RICTOR: variants seen among roughly 807,000 people sequenced by gnomAD.
RICTOR encodes the protein RPTOR independent companion of MTOR complex 2.
RICTOR carries 49 observed loss-of-function variants against 214.9 expected under a neutral mutation model. The ratio of observed to expected loss-of-function variants is 0.23; its 90% CI spans 0.18 to 0.29. The LOEUF is 0.29. Among genes scored for constraint, RICTOR ranks in the 10% least tolerant of loss-of-function variants. RICTOR has a pLI of 1.00. For synonymous variants in RICTOR, 717 were observed against 711.3 expected (o/e 1.01, Z -0.13); for missense variants, 1,625 against 2,047.0 (o/e 0.79, Z 3.98).
At position 38,941,806 on chromosome 5, in the gene RICTOR, C is replaced by T. The variant is rs1747600650; in HGVS notation, c.*498G>A. 4.3e-6 allele frequency: 1 copy of T among 233,092 alleles called. No individual in the cohort carries two copies. Among genetic ancestry groups the T allele is most frequent in the South Asian group, 1.8e-4 (1 of 5,524 alleles). 14.4% of individuals were successfully genotyped at this position (233,092 alleles called of 1,614,324 possible). ...ACGTGAAAGGGCCAAAGTTCCCTCT[C>T]TAATACCAGCAGTTATAGCACACCC... On this transcript the variant is annotated 3_prime_UTR_variant, in exon 38 of 38. Transcript: ENST00000357387.
chr5:39,014,538 ATTCTT>A (rs1228009800), intron 3 of RICTOR, among the ~76,000 whole-genome samples: 1 of 152,168 alleles, frequency 6.6e-6, no homozygotes, highest in Non-Finnish European at 1.5e-5. Flanking sequence ...CAAAATAAAT[ATTCTT>A]TTAAAGCTTT....
At chr5:39,031,790 G>C (rs1331969679) in intron 2 of RICTOR, among the ~76,000 whole-genome samples, 1 of 152,098 alleles carries the variant, frequency 6.6e-6, no homozygotes, top group East Asian at 1.9e-4. Flanking sequence ...ACACAAATCT[G>C]ATATGGAATT....
rs1579920772 is a variant in RICTOR at position 38,960,547 on chromosome 5, A to G, written c.1716-14T>C. On this transcript the variant is annotated splice_polypyrimidine_tract_variant and intron_variant, in intron 19 of 37. Coordinates refer to ENST00000357387, the MANE Select transcript of RICTOR (RefSeq NM_152756.5). ...CTTCGTACAAACCTAAAATCAAAACACAAGTAGCAAAAAGGTAAGAAATGA... is the reference window on the plus strand; with the variant it reads ...CTTCGTACAAACCTAAAATCAAAACGCAAGTAGCAAAAAGGTAAGAAATGA... The G allele has an allele frequency of 6.2e-7, 1 of 1,610,364 alleles. No homozygotes were observed. The highest frequency in any genetic ancestry group is 1.1e-5 in the South Asian group (1 of 90,654).
intron 2 of RICTOR, among the ~76,000 whole-genome samples, chr5:39,034,794 G>C (rs1330404090): frequency 6.6e-6 from 1 of 152,244 alleles, no homozygotes; most frequent in African/African-American, 2.4e-5. Flanking sequence ...GCTGAGGCTT[G>C]AGGAGGTAAA....
At position 38,981,956 on chromosome 5, in the gene RICTOR, G is replaced by T; in HGVS notation, c.664C>A (p.Arg222=). 6.2e-7 allele frequency: 1 copy of T among 1,612,448 alleles called. No homozygotes were observed. ...LKNVIDCQLS[R]INEALITTIL... is the part of the protein sequence containing the mutation. ...GTAGTAATTAGGGCCTCATTTATTCGACTTAATTGGCAATCGATCACATTT... is the reference window on the plus strand; with the variant it reads ...GTAGTAATTAGGGCCTCATTTATTCTACTTAATTGGCAATCGATCACATTT... The change falls in exon 8 of 38, where the codon CGA becomes AGA. Residue 222 remains arginine (R), a synonymous_variant. Coordinates refer to ENST00000357387, the MANE Select transcript of RICTOR (RefSeq NM_152756.5).
intron 9 of RICTOR, among the ~76,000 whole-genome samples, chr5:38,977,424 A>C (rs531977272): frequency 1.3e-5 from 2 of 152,254 alleles, no homozygotes; most frequent in South Asian, 2.1e-4. Flanking sequence ...ATTTCAAAAG[A>C]AGCCAAGAAA....
intron 2 of RICTOR, among the ~76,000 whole-genome samples, chr5:39,069,262 T>A (rs1759130659): frequency 6.6e-6 from 1 of 152,092 alleles, no homozygotes; most frequent in South Asian, 2.1e-4. Context: ...TGTAGAGCCT[T>A]CAAAAAAAAG....
chr5:38,942,612 G>A (rs1436036892), intron 37 of RICTOR, among the ~76,000 whole-genome samples: 1 of 148,498 alleles, frequency 6.7e-6, no homozygotes, highest in African/African-American at 2.5e-5. Context: ...CACCAACCTC[G>A]GCTAATTAAA....
At chr5:39,001,922 T>G (rs1045171366) in intron 5 of RICTOR, among the ~76,000 whole-genome samples, 1 of 152,100 alleles carries the variant, frequency 6.6e-6, no homozygotes, top group Non-Finnish European at 1.5e-5. Flanking sequence ...TGCAATCATT[T>G]AGCAAACTAT....
intron 6 of RICTOR, among the ~76,000 whole-genome samples, chr5:38,993,727 G>A (rs1440115878): frequency 2.6e-5 from 4 of 151,930 alleles, no homozygotes; most frequent in Non-Finnish European, 5.9e-5. Flanking sequence ...AATTTATACT[G>A]CAGGTTGAGC....
Position 38,996,858 on chromosome 5 carries a change from G to A in RICTOR, c.417C>T (p.Asn139=), listed in dbSNP as rs1162894311. 5 of 1,610,092 alleles carry A rather than the reference G, an allele frequency of 3.1e-6. No homozygotes were observed. The highest frequency in any genetic ancestry group is 4.2e-6 in the Non-Finnish European group (5 of 1,176,900). Residue 139 remains asparagine, a synonymous_variant, in exon 6 of 38, where the codon AAC becomes AAT. Coordinates refer to ENST00000357387, the MANE Select transcript of RICTOR (RefSeq NM_152756.5). ...GAAGTGCTTGTGTCCTCTCTACCTC[G>A]TTGCTCTGTTGTATGTCAATGCACC... ...IARCIDIQQS[N]EVERTQALRL...
intron 16 of RICTOR, among the ~76,000 whole-genome samples, chr5:38,964,206 A>G (rs564440397): frequency 6.6e-6 from 1 of 152,008 alleles, no homozygotes; most frequent in South Asian, 2.1e-4. Context: ...AGTTCCTTCT[A>G]GCACTTCCCA....
intron 11 of RICTOR, among the ~76,000 whole-genome samples, chr5:38,968,441 C>T (rs1405885782): frequency 6.6e-6 from 1 of 150,942 alleles, no homozygotes; most frequent in Admixed American, 6.6e-5. Context: ...TACCTTTTAC[C>T]ATTATCTTAG....
At chr5:38,990,684 C>CAG (rs771347927) in intron 7 of RICTOR, among the ~76,000 whole-genome samples, 7 of 16,218 alleles carry the variant, frequency 4.3e-4, no homozygotes, top group Admixed American at 1.4e-3. Context: ...TCAGATATAT[C>CAG]ATATATATGA....
chr5:39,000,928 C>CA (rs1028479433), intron 5 of RICTOR, among the ~76,000 whole-genome samples: 9 of 151,802 alleles, frequency 5.9e-5, no homozygotes, highest in Non-Finnish European at 1.3e-4. Flanking sequence ...AGGACTTCTG[C>CA]AAAAAACAAA....
chr5:39,004,018 C>T (rs1192594990), intron 3 of RICTOR, among the ~76,000 whole-genome samples: 2 of 151,322 alleles, frequency 1.3e-5, no homozygotes, highest in African/African-American at 4.9e-5. Flanking sequence ...TCACTTTCTC[C>T]CCTCACATTT....
chr5:38,945,140 AAAAG>A (rs1748046406), intron 34 of RICTOR, 72 bp from the exon 35 acceptor site: 1 of 1,040,150 alleles, frequency 9.6e-7, no homozygotes, highest in Admixed American at 2.3e-5. Flanking sequence ...TTGCATGCTA[AAAAG>A]AAATAATATA....
intron 7 of RICTOR, among the ~76,000 whole-genome samples, chr5:38,983,672 T>G (rs917233370): frequency 6.6e-6 from 1 of 152,232 alleles, no homozygotes; most frequent in Middle Eastern, 3.4e-3. Context: ...AATAAGAAAT[T>G]TGTAGGTTTG....
intron 2 of RICTOR, among the ~76,000 whole-genome samples, chr5:39,054,751 T>C (rs1010643504): frequency 6.6e-6 from 1 of 152,224 alleles, no homozygotes; most frequent in Non-Finnish European, 1.5e-5. Flanking sequence ...GGCAGAATAC[T>C]CTATGTTATA....
Sources: allele counts gnomAD v4.1 joint callset (sites outside exome capture counted in the v4.1 genomes callset), GRCh38; gene constraint gnomAD v4.1.1; transcripts MANE v1.5; gene names NCBI Gene and HGNC (gene_info 2026-07-23, HGNC 2026-07-21).